DCC: variants seen among roughly 807,000 people sequenced by gnomAD.
DCC encodes the protein netrin receptor DCC.
DCC carries 58 observed loss-of-function variants against 172.5 expected under a neutral mutation model. The ratio of observed to expected loss-of-function variants is 0.34; its 90% CI spans 0.27 to 0.42. DCC has a LOEUF of 0.42. DCC is among the 10% of genes least tolerant of loss of function. The pLI, the probability that DCC is intolerant of heterozygous loss-of-function variation, is 1.00. For missense variants in DCC, 1,740 were observed against 1,791.0 expected, an observed-to-expected ratio of 0.97 and a Z score of 0.51; for synonymous variants, 709 against 644.5, an observed-to-expected ratio of 1.10 and a Z score of -1.52.
At chr18:53,205,185 T>C in intron 9 of DCC, 31 bp from the exon 10 acceptor site, 2 of 1,594,244 alleles carry the variant, frequency 1.3e-6, no homozygotes, top group Non-Finnish European at 1.7e-6. Context: ...CTAATCACTT[T>C]TCTTTCTTTC....
At chr18:52,418,838 TTTTC>T (rs1416079242) in intron 1 of DCC, among the ~76,000 whole-genome samples, 6 of 142,764 alleles carry the variant, frequency 4.2e-5, no homozygotes, top group Admixed American at 1.5e-4. Flanking sequence ...TCCTTTTTCT[TTTTC>T]TTTCTTTCTT....
intron 7 of DCC, among the ~76,000 whole-genome samples, chr18:53,138,773 T>C (rs2043785669): frequency 6.6e-6 from 1 of 152,204 alleles, no homozygotes; most frequent in African/African-American, 2.4e-5. Context: ...TACAGCAGAA[T>C]AAAGCTGCTA....
chr18:52,983,343 ACATG>A (rs1362730958), intron 5 of DCC, among the ~76,000 whole-genome samples: 1 of 152,220 alleles, frequency 6.6e-6, no homozygotes, highest in African/African-American at 2.4e-5. Context: ...AGGCAGACCA[ACATG>A]CTAATATAAA....
intron 1 of DCC, among the ~76,000 whole-genome samples, chr18:52,740,376 T>C (rs1213957295): frequency 6.6e-6 from 1 of 152,148 alleles, no homozygotes; most frequent in Non-Finnish European, 1.5e-5. Flanking sequence ...AGCAGAAAAA[T>C]ATCACCTTTC....
chr18:52,740,679 C>T (rs754396338), intron 1 of DCC, among the ~76,000 whole-genome samples: 12 of 152,198 alleles, frequency 7.9e-5, no homozygotes, highest in Non-Finnish European at 1.5e-4. Context: ...AAGCAGCCCA[C>T]GCTTTGTCAG....
At chr18:52,901,238 G>A (rs1475693196) in intron 2 of DCC, among the ~76,000 whole-genome samples, 2 of 152,084 alleles carry the variant, frequency 1.3e-5, no homozygotes, top group Non-Finnish European at 2.9e-5. Flanking sequence ...TTTGAGACAA[G>A]CCTGGCCAAC....
chr18:52,679,059 G>T (rs541209236), intron 1 of DCC, among the ~76,000 whole-genome samples: 2 of 152,120 alleles, frequency 1.3e-5, no homozygotes, highest in South Asian at 4.1e-4. Context: ...AGTAAAGTCA[G>T]TTGAAATGGT....
At chr18:52,649,203 C>T (rs7227590) in intron 1 of DCC, among the ~76,000 whole-genome samples, 63,719 of 151,742 alleles carry the variant, frequency 0.42, 13,660 homozygotes, top group East Asian at 0.68. Context: ...AAAACCCCGT[C>T]TCTACTAAAA....
chr18:53,221,821 T>C (rs2144592650), intron 12 of DCC, among the ~76,000 whole-genome samples: 1 of 152,316 alleles, frequency 6.6e-6, no homozygotes, highest in Non-Finnish European at 1.5e-5. Flanking sequence ...ATGCTTTAAT[T>C]GGCTAGGAAG....
chr18:52,404,239 T>A (rs986856046), intron 1 of DCC, among the ~76,000 whole-genome samples: 2 of 152,056 alleles, frequency 1.3e-5, no homozygotes, highest in African/African-American at 4.8e-5. Flanking sequence ...ATGTTCATAA[T>A]GTAGAGCTTT....
chr18:52,899,864 T>G (rs1664712279), intron 2 of DCC, among the ~76,000 whole-genome samples: 1 of 152,186 alleles, frequency 6.6e-6, no homozygotes, highest in African/African-American at 2.4e-5. Context: ...ATATTTAGGG[T>G]CTGAAACATT....
chr18:52,761,908 C>CAAAAAAAAAAAAAAAAAGA (rs2037166635), intron 2 of DCC, among the ~76,000 whole-genome samples: 2 of 48,432 alleles, frequency 4.1e-5, no homozygotes, highest in Non-Finnish European at 1.0e-4. Context: ...GACTCTGTCT[C>CAAAAAAAAAAAAAAAAAGA]AAAAAAAAAA....
intron 1 of DCC, among the ~76,000 whole-genome samples, chr18:52,663,791 G>T (rs931538696): frequency 1.3e-5 from 2 of 152,054 alleles, no homozygotes; most frequent in South Asian, 4.2e-4. Flanking sequence ...CACAAAATAA[G>T]AACACTATTT....
intron 12 of DCC, among the ~76,000 whole-genome samples, chr18:53,248,445 C>T (rs1227207237): frequency 2.0e-5 from 3 of 152,034 alleles, no homozygotes; most frequent in Non-Finnish European, 4.4e-5. Flanking sequence ...ACCACTTTCA[C>T]TCTCTCCCAC....
At chr18:53,462,890 A>G (rs560600959) in intron 24 of DCC, among the ~76,000 whole-genome samples, 75 of 152,268 alleles carry the variant, frequency 4.9e-4, no homozygotes, top group Middle Eastern at 6.8e-3. Context: ...AGAATCTCCT[A>G]TATCCTTGCC....
rs1398443927 is a variant in DCC, at chr18:53,493,729, AT to A, written c.3899-5563del. Among the ~76,000 whole-genome samples the A allele has an allele frequency of 1.6e-4, 24 of 151,634 alleles. No individual in the cohort carries two copies. In the East Asian group the frequency reaches 4.1e-3, roughly 26 times the overall value. ...AAAAAACCAGCTCCTTGATTCATTG[AT>A]TTTTTGAAGGGTTTTTCCTGTCTCT... On this transcript the variant is annotated intron_variant, in intron 26 of 28. Coordinates refer to ENST00000442544, the MANE Select transcript of DCC (RefSeq NM_005215.4).
chr18:52,378,230 A>G (rs1205463904), intron 1 of DCC, among the ~76,000 whole-genome samples: 1 of 152,098 alleles, frequency 6.6e-6, no homozygotes, highest in East Asian at 1.9e-4. Flanking sequence ...AATTATCCCA[A>G]TGGAAATAAT....
chr18:52,750,307 C>G (rs1245491047), intron 1 of DCC, among the ~76,000 whole-genome samples: 1 of 152,142 alleles, frequency 6.6e-6, no homozygotes, highest in Non-Finnish European at 1.5e-5. Context: ...GATATCCAGA[C>G]AGCCAATTCA....
At chr18:52,960,356 G>A (rs1340813367) in intron 5 of DCC, among the ~76,000 whole-genome samples, 1 of 152,060 alleles carries the variant, frequency 6.6e-6, no homozygotes, top group Non-Finnish European at 1.5e-5. Context: ...CAGAAATCAG[G>A]TTAGACTTTT....
Sources: allele counts gnomAD v4.1 joint callset (sites outside exome capture counted in the v4.1 genomes callset), GRCh38; gene constraint gnomAD v4.1.1; transcripts MANE v1.5; gene names NCBI Gene and HGNC (gene_info 2026-07-23, HGNC 2026-07-21).